Variants in ADAM22 observed in about 807,000 individuals in gnomAD.
ADAM22 encodes the protein disintegrin and metalloproteinase domain-containing protein 22.
A neutral mutation model predicts 144.6 loss-of-function variants in ADAM22; 65 were observed. That is an observed-to-expected ratio of 0.45 (90% CI 0.37 to 0.55). The LOEUF (loss-of-function observed/expected upper bound fraction) is 0.55, where lower values mean the gene tolerates loss of function less well. ADAM22 is among the 20% of genes least tolerant of loss of function. ADAM22 has a pLI of 0.00. For missense variants in ADAM22, 974 were observed against 1,184.9 expected (o/e 0.82, Z 2.61); for synonymous variants, 391 against 412.6 (o/e 0.95, Z 0.63).
chr7:88,051,351 C>A (rs905497095), intron 3 of ADAM22, among the ~76,000 whole-genome samples: 33 of 152,280 alleles, frequency 2.2e-4, no homozygotes, highest in African/African-American at 7.7e-4. Context: ...CACATATACA[C>A]CATGGAATAC....
chr7:87,959,228 C>G (rs1847507860), intron 2 of ADAM22, among the ~76,000 whole-genome samples: 1 of 152,130 alleles, frequency 6.6e-6, no homozygotes, highest in African/African-American at 2.4e-5. Context: ...AAACACTTAA[C>G]TTCTTTAATC....
chr7:88,140,063 G>A (rs1257113104), intron 14 of ADAM22, among the ~76,000 whole-genome samples: 1 of 152,096 alleles, frequency 6.6e-6, no homozygotes, highest in African/African-American at 2.4e-5. Context: ...AAGCAGGTGT[G>A]TCACATGGCA....
chr7:88,023,477 T>A (rs1427852306), intron 3 of ADAM22, among the ~76,000 whole-genome samples: 1 of 152,190 alleles, frequency 6.6e-6, no homozygotes, highest in Non-Finnish European at 1.5e-5. Context: ...TGGAATGCAA[T>A]GGCATGATCT....
At chr7:87,970,253 A>G (rs954532280) in intron 2 of ADAM22, among the ~76,000 whole-genome samples, 1 of 152,104 alleles carries the variant, frequency 6.6e-6, no homozygotes, top group Non-Finnish European at 1.5e-5. Flanking sequence ...ATATATATAT[A>G]TATGTATTTA....
At chr7:88,150,863 T>G in intron 18 of ADAM22, 118 bp from the exon 19 acceptor site, 1 of 757,848 alleles carries the variant, frequency 1.3e-6, no homozygotes, top group South Asian at 2.1e-5. Flanking sequence ...GTTTTATAGA[T>G]GGTATAAGGG....
chr7:88,179,100 T>A lies in ADAM22; in HGVS notation c.2466T>A (p.Ile822=). Residue 822 remains isoleucine, a synonymous_variant, in exon 27 of 32, where the codon ATT becomes ATA. Coordinates refer to ENST00000413139, the MANE Select transcript of ADAM22 (RefSeq NM_001324418.2). The part of the protein sequence containing the change: ...ISTCSITHYS[I]SQNISLFCSR... The stretch of plus-strand genomic sequence containing the variant: ...CCTGTTCCATCACACATTATTCCAT[T>A]AGTCAGAACATTTCATTATTTTGCA... 7.5e-7 allele frequency: 1 copy of A among 1,327,818 alleles called. No homozygotes were observed. 82.3% of individuals were successfully genotyped at this position (1,327,818 alleles called of 1,614,324 possible).
chr7:87,975,211 C>T (rs1851624525), intron 2 of ADAM22, among the ~76,000 whole-genome samples: 1 of 152,180 alleles, frequency 6.6e-6, no homozygotes, highest in Non-Finnish European at 1.5e-5. Flanking sequence ...CCTCCATCTT[C>T]CCTGGTCATT....
chr7:88,124,218 C>T (rs1046572893), intron 7 of ADAM22, among the ~76,000 whole-genome samples: 1 of 151,358 alleles, frequency 6.6e-6, no homozygotes, highest in African/African-American at 2.4e-5. Flanking sequence ...TGTTGAAATC[C>T]TTAACTATAA....
At chr7:88,192,720 GTACT>G (rs1239958959) in intron 30 of ADAM22, among the ~76,000 whole-genome samples, 6 of 151,972 alleles carry the variant, frequency 3.9e-5, no homozygotes, top group Non-Finnish European at 7.4e-5. Flanking sequence ...TGGAATTATC[GTACT>G]TAAACATTTT....
rs559482900 is a variant in ADAM22 at position 88,155,097 on chromosome 7, A to G, written c.1788-790A>G. Reference sequence around the variant, plus strand: ...ACTGAAATATATTGAAGAAAGGATAATGAGCCTTTGTAGTTGGCAGTCTGT... The same window carrying G: ...ACTGAAATATATTGAAGAAAGGATAGTGAGCCTTTGTAGTTGGCAGTCTGT... On this transcript the variant is annotated intron_variant, in intron 21 of 31. Transcript: ENST00000413139. Among the ~76,000 whole-genome samples the G allele has an allele frequency of 3.9e-3, 601 of 152,316 alleles. 9 individuals carry two copies. The highest frequency in any genetic ancestry group is 0.014 in the African/African-American group (568 of 41,574).
intron 3 of ADAM22, among the ~76,000 whole-genome samples, chr7:88,017,268 G>A (rs1796739747): frequency 6.6e-6 from 1 of 152,120 alleles, no homozygotes; most frequent in Non-Finnish European, 1.5e-5. Flanking sequence ...CAAAGAAGAG[G>A]ATTTTGAATG....
At chr7:88,003,199 GGAA>G (rs1205881190) in intron 3 of ADAM22, among the ~76,000 whole-genome samples, 1 of 152,146 alleles carries the variant, frequency 6.6e-6, no homozygotes, top group Non-Finnish European at 1.5e-5. Context: ...AAACTTAAAA[GGAA>G]GAAAGTTAAA....
chr7:88,053,317 T>A (rs1807034446), intron 3 of ADAM22, among the ~76,000 whole-genome samples: 4 of 151,354 alleles, frequency 2.6e-5, no homozygotes, highest in South Asian at 2.1e-4. Flanking sequence ...AAAAAAAAAA[T>A]TTAGCTGGGC....
intron 12 of ADAM22, 112 bp from the exon 13 acceptor site, chr7:88,134,217 A>G: frequency 1.3e-6 from 1 of 768,704 alleles, no homozygotes; most frequent in South Asian, 1.9e-5. Context: ...CCTCTTCTAA[A>G]GAAATTGCTT....
intron 3 of ADAM22, among the ~76,000 whole-genome samples, chr7:88,020,942 G>A (rs1226908948): frequency 6.6e-6 from 1 of 152,042 alleles, no homozygotes; most frequent in Non-Finnish European, 1.5e-5. Context: ...TGGAATTTAG[G>A]GAGTGAATTT....
At chr7:87,946,693 G>T (rs1843752704) in intron 2 of ADAM22, among the ~76,000 whole-genome samples, 1 of 152,068 alleles carries the variant, frequency 6.6e-6, no homozygotes, top group African/African-American at 2.4e-5. Flanking sequence ...GCTCTCTATT[G>T]TGTTCCACTG....
chr7:88,017,064 A>T (rs1285052967), intron 3 of ADAM22, among the ~76,000 whole-genome samples: 1 of 152,128 alleles, frequency 6.6e-6, no homozygotes, highest in Non-Finnish European at 1.5e-5. Context: ...GGCTGAAGTG[A>T]GCTATGAGCG....
At chr7:87,939,562 T>G (rs537420752) in intron 2 of ADAM22, among the ~76,000 whole-genome samples, 2 of 152,198 alleles carry the variant, frequency 1.3e-5, no homozygotes, top group African/African-American at 4.8e-5. Flanking sequence ...CACATAATCT[T>G]TAAGAATCAT....
chr7:88,095,039 G>A (rs1396544489), intron 4 of ADAM22, among the ~76,000 whole-genome samples: 1 of 152,162 alleles, frequency 6.6e-6, no homozygotes, highest in African/African-American at 2.4e-5. Flanking sequence ...TTGGGTGTGG[G>A]AAATACTCCA....
Sources: allele counts gnomAD v4.1 joint callset (sites outside exome capture counted in the v4.1 genomes callset), GRCh38; gene constraint gnomAD v4.1.1; transcripts MANE v1.5; gene names NCBI Gene and HGNC (gene_info 2026-07-23, HGNC 2026-07-21).